The following HDAC9 variants were observed in gnomAD, a reference collection of about 807,000 sequenced individuals.
HDAC9 encodes histone deacetylase 9, also known as MEF-2 interacting transcription repressor (MITR) protein.
In HDAC9, 41 loss-of-function variants were observed where a neutral mutation model predicts 139.4. The observed-to-expected ratio is 0.29, with a 90% CI of 0.23 to 0.38. The LOEUF is 0.38. HDAC9 is among the 10% of genes least tolerant of loss of function. HDAC9 has a pLI of 1.00. For synonymous variants in HDAC9, 517 were observed against 476.2 expected (o/e 1.09, Z -1.12); for missense variants, 1,147 against 1,297.0 (o/e 0.88, Z 1.78).
chr7:18,151,393 T>G (rs1432292665), intron 1 of HDAC9, among the ~76,000 whole-genome samples: 1 of 152,196 alleles, frequency 6.6e-6, no homozygotes, highest in Non-Finnish European at 1.5e-5. Flanking sequence ...ACAGGAATAA[T>G]GAGGTTTAAT....
intron 17 of HDAC9, among the ~76,000 whole-genome samples, chr7:18,804,395 G>A (rs139045605): frequency 6.3e-4 from 96 of 152,162 alleles, no homozygotes; most frequent in Non-Finnish European, 1.1e-3. Context: ...ACACAAACAC[G>A]CTGTGGTTCA....
chr7:18,805,379 C>T (rs570971344), intron 17 of HDAC9, among the ~76,000 whole-genome samples: 3 of 152,236 alleles, frequency 2.0e-5, no homozygotes, highest in African/African-American at 2.4e-5. Context: ...ATGTAAAGAT[C>T]GAGGAATACT....
intron 1 of HDAC9, among the ~76,000 whole-genome samples, chr7:18,446,102 G>A (rs912380059): frequency 6.6e-6 from 1 of 152,212 alleles, no homozygotes; most frequent in Non-Finnish European, 1.5e-5. Context: ...CGTCTGGCCA[G>A]CAAAGAGGAT....
chr7:18,119,951 A>T (rs1344739818), intron 1 of HDAC9, among the ~76,000 whole-genome samples: 5 of 152,174 alleles, frequency 3.3e-5, no homozygotes, highest in African/African-American at 1.2e-4. Flanking sequence ...TGATCTTGTC[A>T]TGCTTTCCAT....
chr7:18,797,818 G>A (rs1401369089), intron 17 of HDAC9, among the ~76,000 whole-genome samples: 1 of 151,042 alleles, frequency 6.6e-6, no homozygotes, highest in Non-Finnish European at 1.5e-5. Context: ...GGCAGAGTAA[G>A]ACTCCATCTC....
chr7:18,310,874 G>A (rs750364503), intron 1 of HDAC9, among the ~76,000 whole-genome samples: 1 of 150,760 alleles, frequency 6.6e-6, no homozygotes, highest in African/African-American at 2.4e-5. Context: ...GCTGAGGGCC[G>A]CTAAATTCAG....
intron 25 of HDAC9, among the ~76,000 whole-genome samples, chr7:18,994,285 A>G (rs1489748665): frequency 6.6e-6 from 1 of 152,346 alleles, no homozygotes; most frequent in Non-Finnish European, 1.5e-5. Flanking sequence ...TTTGAGTTCT[A>G]TAACTGTATT....
intron 22 of HDAC9, among the ~76,000 whole-genome samples, chr7:18,906,386 C>A (rs560900530): frequency 2.6e-4 from 39 of 152,212 alleles, no homozygotes; most frequent in African/African-American, 9.2e-4. Flanking sequence ...CTCAGGTGAT[C>A]CACCTGCCTC....
chr7:18,868,068 A>T (rs1405490980), intron 21 of HDAC9, among the ~76,000 whole-genome samples: 1 of 152,044 alleles, frequency 6.6e-6, no homozygotes, highest in African/African-American at 2.4e-5. Flanking sequence ...TCTGAACTTT[A>T]TCTGTTTCGT....
rs561939283 is a variant in HDAC9, at chr7:18,643,548, T to C, written c.913-1123T>C. On this transcript the variant is annotated intron_variant, in intron 8 of 25. Coordinates refer to ENST00000686413, the MANE Select transcript of HDAC9 (RefSeq NM_178425.4). ...GAGATGATGTTTTGGAATAACATCC[T>C]GTGTTTTGGTGGTGCATCACTCTTC... Among the ~76,000 whole-genome samples, 6 of 152,210 alleles carry C rather than the reference T, an allele frequency of 3.9e-5. No individual in the cohort carries two copies. In the South Asian group the frequency reaches 1.2e-3, roughly 32 times the overall value.
chr7:18,305,270 C>G (rs1479614676), intron 1 of HDAC9, among the ~76,000 whole-genome samples: 1 of 152,108 alleles, frequency 6.6e-6, no homozygotes, highest in African/African-American at 2.4e-5. Flanking sequence ...AATCGTATAC[C>G]CTCCACCAAC....
At chr7:18,124,103 A>G (rs1210907346) in intron 1 of HDAC9, among the ~76,000 whole-genome samples, 3 of 152,202 alleles carry the variant, frequency 2.0e-5, no homozygotes. Flanking sequence ...CAAGAATCAG[A>G]TTGTTAGAAG....
chr7:19,000,162 A>AAC lies in HDAC9; in HGVS notation c.*4102_*4103dup, dbSNP rs1786682399. ...CATTTTGTTGTCTTCAGAACTGATC[A>AAC]ACATGGTCATGATCATCATCAAATT... On this transcript the variant is annotated 3_prime_UTR_variant, in exon 26 of 26. Coordinates refer to ENST00000686413, the MANE Select transcript of HDAC9 (RefSeq NM_178425.4). The AAC allele has an allele frequency of 6.6e-6, 1 of 152,250 alleles. No homozygotes were observed. The highest frequency in any genetic ancestry group is 2.1e-4 in the South Asian group (1 of 4,836). The allele number at this position is 152,250 out of a possible 1,614,324, so 9.4% of individuals were successfully genotyped here. A position where few individuals can be genotyped will look rare whatever the true frequency, so the allele number is the denominator to read the frequency against.
At chr7:18,444,341 GAAAAAA>G (rs754142568) in intron 1 of HDAC9, among the ~76,000 whole-genome samples, 682 of 35,080 alleles carry the variant, frequency 0.019, 5 homozygotes, top group African/African-American at 0.068. Flanking sequence ...GACCCTGTCT[GAAAAAA>G]AAAAAAAAAA....
At chr7:18,264,255 G>A (rs1795863737) in intron 2 of HDAC9, among the ~76,000 whole-genome samples, 1 of 152,058 alleles carries the variant, frequency 6.6e-6, no homozygotes. Flanking sequence ...TCCAGGCTAA[G>A]CCATATTTGC....
chr7:18,460,294 T>C (rs185176042), intron 1 of HDAC9, among the ~76,000 whole-genome samples: 20 of 152,272 alleles, frequency 1.3e-4, no homozygotes, highest in African/African-American at 4.6e-4. Flanking sequence ...GTTTGTAGTT[T>C]AACCTGTGTG....
intron 2 of HDAC9, among the ~76,000 whole-genome samples, chr7:18,223,391 AT>A (rs199647771): frequency 0.01 from 1,413 of 138,438 alleles, 4 homozygotes; most frequent in Non-Finnish European, 0.012. Flanking sequence ...ACCCCGGTCA[AT>A]TTTTTTTTTT....
chr7:18,527,344 G>A (rs746141823), intron 2 of HDAC9, among the ~76,000 whole-genome samples: 8 of 152,064 alleles, frequency 5.3e-5, no homozygotes, highest in Non-Finnish European at 1.2e-4. Flanking sequence ...GTTTTTCACA[G>A]TTGCCTCCCT....
intron 16 of HDAC9, among the ~76,000 whole-genome samples, chr7:18,776,809 G>A (rs1353496737): frequency 1.3e-5 from 2 of 151,948 alleles, no homozygotes; most frequent in African/African-American, 4.8e-5. Flanking sequence ...AGGGTGCAAA[G>A]CAGAGTGGTG....
Sources: gnomAD v4.1 joint callset for allele counts (sites outside exome capture counted in the v4.1 genomes callset) on GRCh38, gnomAD v4.1.1 for gene constraint, MANE v1.5 for transcripts, NCBI Gene and HGNC (gene_info 2026-07-23, HGNC 2026-07-21) for gene names.